ANKH: variants seen among roughly 807,000 people sequenced by gnomAD.
ANKH encodes the protein ANKH inorganic pyrophosphate transport regulator, also known as mineralization regulator ANKH.
Under a neutral mutation model 49.0 loss-of-function variants are expected in ANKH, and 15 were observed. That is an observed-to-expected ratio of 0.31 (90% CI 0.20 to 0.47). ANKH has a LOEUF of 0.47. Among genes scored for constraint, ANKH ranks in the 20% least tolerant of loss-of-function variants. The pLI, the probability that ANKH is intolerant of heterozygous loss-of-function variation, is 1.00. For missense variants in ANKH, 429 were observed against 652.0 expected (o/e 0.66, Z 3.72); for synonymous variants, 273 against 260.0 (o/e 1.05, Z -0.48).
intron 1 of ANKH, among the ~76,000 whole-genome samples, chr5:14,780,052 G>C (rs919622785): frequency 2.2e-5 from 3 of 138,202 alleles, no homozygotes; most frequent in Non-Finnish European, 4.7e-5. Flanking sequence ...AAGGATAACA[G>C]CTTTTTTTTT....
intron 1 of ANKH, among the ~76,000 whole-genome samples, chr5:14,836,624 C>T (rs1741661790): frequency 6.6e-6 from 1 of 152,136 alleles, no homozygotes; most frequent in South Asian, 2.1e-4. Flanking sequence ...AAAGAGGACA[C>T]AAACAAATGG....
chr5:14,731,692 T>C (rs561820313), intron 8 of ANKH, among the ~76,000 whole-genome samples: 7 of 152,170 alleles, frequency 4.6e-5, no homozygotes, highest in Non-Finnish European at 7.4e-5. Flanking sequence ...AGCCTCGAGG[T>C]TGGAAATCCT....
At chr5:14,798,662 A>T (rs534675726) in intron 1 of ANKH, among the ~76,000 whole-genome samples, 1 of 152,040 alleles carries the variant, frequency 6.6e-6, no homozygotes, top group African/African-American at 2.4e-5. Flanking sequence ...TGATATGGTG[A>T]TGTGTGATAG....
intron 2 of ANKH, among the ~76,000 whole-genome samples, chr5:14,761,547 C>T (rs956719352): frequency 2.6e-5 from 4 of 151,334 alleles, no homozygotes; most frequent in African/African-American, 9.7e-5. Flanking sequence ...TAGGGATGCA[C>T]TGAAATGTGA....
At chr5:14,775,409 A>G (rs1739585301) in intron 1 of ANKH, among the ~76,000 whole-genome samples, 1 of 152,180 alleles carries the variant, frequency 6.6e-6, no homozygotes, top group Non-Finnish European at 1.5e-5. Flanking sequence ...GACAATTATA[A>G]CAATATACTG....
chr5:14,743,356 C>T (rs987666406), intron 7 of ANKH, among the ~76,000 whole-genome samples: 1 of 152,206 alleles, frequency 6.6e-6, no homozygotes, highest in Admixed American at 6.5e-5. Flanking sequence ...GGGACAGCAA[C>T]GTACCACAGC....
intron 2 of ANKH, among the ~76,000 whole-genome samples, chr5:14,763,627 C>T (rs745655522): frequency 1.3e-5 from 2 of 152,234 alleles, no homozygotes; most frequent in Non-Finnish European, 2.9e-5. Context: ...AACGCAAGTA[C>T]AAGAATTCTA....
intron 1 of ANKH, among the ~76,000 whole-genome samples, chr5:14,821,107 A>AAG (rs1741186393): frequency 6.6e-6 from 1 of 151,764 alleles, no homozygotes; most frequent in Admixed American, 6.6e-5. Flanking sequence ...TAAAAAAAAA[A>AAG]AAAAATTTCA....
rs779971511 is a variant in ANKH at position 14,749,326 on chromosome 5, T to A, written c.688-20A>T. The A allele has an allele frequency of 3.7e-6, 6 of 1,614,096 alleles. No homozygotes were observed. The African/African-American group carries it at 8.0e-5, about 22-fold the overall frequency. ...ATCTCCCTGTGTTAAGAAACGAAGA[T>A]AAAAGTTACCTGAACTCTAGAAGCA... On this transcript the variant is annotated intron_variant, in intron 5 of 11. Coordinates refer to ENST00000284268, the MANE Select transcript of ANKH (RefSeq NM_054027.6).
chr5:14,870,399 A>G (rs1390546123), intron 1 of ANKH: 1 of 152,228 alleles, frequency 6.6e-6, no homozygotes, highest in Admixed American at 6.5e-5. Context: ...ATAGGTGCAT[A>G]TTCTAGATAA....
chr5:14,780,249 A>C (rs1020806054), intron 1 of ANKH, among the ~76,000 whole-genome samples: 7 of 152,170 alleles, frequency 4.6e-5, no homozygotes, highest in Admixed American at 4.6e-4. Context: ...ATGGTTAGAA[A>C]ATAAAATCAT....
Position 14,716,718 on chromosome 5 carries a change from A to G in ANKH, c.1129T>C (p.Phe377Leu). ...TGTTTTTCTTTACCTGGAACTGGGA[A>G]GAAGGAGAAGATCCGCAAAGGAACA... ...CVVPLRIFSFFPVPVTVRAHL... is the reference protein window; with the variant it reads ...CVVPLRIFSFLPVPVTVRAHL... The change falls in exon 9 of 12, where the codon TTC becomes CTC. Residue 377 changes from phenylalanine (F) to leucine (L), a missense_variant. By Grantham distance (22) the Phe-to-Leu change is conservative (BLOSUM62 0). This residue lies in a region of ANKH where 378 missense variants were observed against 615.3 expected (regional missense o/e 0.61). Transcript: ENST00000284268. 1 of 1,614,120 alleles carries G rather than the reference A, an allele frequency of 6.2e-7. No homozygotes were observed. The highest frequency in any genetic ancestry group is 8.5e-7 in the Non-Finnish European group (1 of 1,179,950).
At chr5:14,853,299 G>C (rs1742166529) in intron 1 of ANKH, among the ~76,000 whole-genome samples, 1 of 152,218 alleles carries the variant, frequency 6.6e-6, no homozygotes, top group African/African-American at 2.4e-5. Flanking sequence ...TAGGTGGTCA[G>C]GTGTGGTGGC....
At chr5:14,855,346 A>C (rs192408636) in intron 1 of ANKH, among the ~76,000 whole-genome samples, 14 of 152,348 alleles carry the variant, frequency 9.2e-5, no homozygotes, top group Non-Finnish European at 1.3e-4. Context: ...GAAGGCAAGC[A>C]CTGCATTCGT....
chr5:14,809,663 G>T (rs1205670740), intron 1 of ANKH, among the ~76,000 whole-genome samples: 2 of 152,214 alleles, frequency 1.3e-5, no homozygotes, highest in Non-Finnish European at 2.9e-5. Context: ...ATGCCTTTCT[G>T]CAGGTATGAA....
At chr5:14,719,980 T>C (rs1020491402) in intron 8 of ANKH, among the ~76,000 whole-genome samples, 13 of 152,242 alleles carry the variant, frequency 8.5e-5, no homozygotes, top group Non-Finnish European at 1.9e-4. Context: ...ACAATAAAAC[T>C]GAATACATTC....
chr5:14,812,532 T>C (rs1207813079), intron 1 of ANKH, among the ~76,000 whole-genome samples: 3 of 152,230 alleles, frequency 2.0e-5, no homozygotes, highest in Admixed American at 2.0e-4. Flanking sequence ...AAAGACTCTC[T>C]TCCTTGAGCA....
At chr5:14,799,700 C>T (rs972658686) in intron 1 of ANKH, among the ~76,000 whole-genome samples, 2 of 152,184 alleles carry the variant, frequency 1.3e-5, no homozygotes, top group Admixed American at 1.3e-4. Flanking sequence ...AGACCTACTG[C>T]TCAGAAAAAA....
intron 1 of ANKH, chr5:14,826,131 T>C (rs781066009): frequency 1.7e-4 from 26 of 153,494 alleles, no homozygotes; most frequent in Middle Eastern, 1.7e-3. Flanking sequence ...CATGTTTCTC[T>C]AAGCAAATAA....
Sources: allele counts gnomAD v4.1 joint callset (sites outside exome capture counted in the v4.1 genomes callset), GRCh38; gene constraint gnomAD v4.1.1; regional missense constraint gnomAD v4.1.1; transcripts MANE v1.5; gene names NCBI Gene and HGNC (gene_info 2026-07-23, HGNC 2026-07-21).